The following ITGA1 variants were observed in gnomAD, a reference collection of about 807,000 sequenced individuals.
ITGA1 encodes integrin subunit alpha 1.
ITGA1 carries 85 observed loss-of-function variants against 145.9 expected under a neutral mutation model. That is an observed-to-expected ratio of 0.58 (90% confidence interval 0.49 to 0.70). The LOEUF is 0.70. Among genes scored for constraint, ITGA1 ranks in the 30% least tolerant of loss-of-function variants. The probability of loss-of-function intolerance (pLI) is 0.00; values close to 1 mark genes in which losing one functional copy is unlikely to be tolerated. For missense variants in ITGA1, 1,351 were observed against 1,418.7 expected (o/e 0.95, Z 0.77); for synonymous variants, 520 against 495.3 (o/e 1.05, Z -0.66).
intron 1 of ITGA1, among the ~76,000 whole-genome samples, chr5:52,808,676 C>CTTTTTT (rs60113844): frequency 0.026 from 1,829 of 69,402 alleles, 3 homozygotes; most frequent in East Asian, 0.052. Context: ...TTCTTTCTTT[C>CTTTTTT]TTTTTTTTTT....
intron 1 of ITGA1, among the ~76,000 whole-genome samples, chr5:52,844,004 G>T (rs1423262049): frequency 6.6e-6 from 1 of 152,114 alleles, no homozygotes; most frequent in Non-Finnish European, 1.5e-5. Context: ...GCTGTAGGTT[G>T]CTTCTCCCTC....
chr5:52,801,362 G>T, intron 1 of ITGA1: 1 of 1,478,806 alleles, frequency 6.8e-7, no homozygotes, highest in African/African-American at 1.4e-5. Context: ...TGATTAATGG[G>T]TGTTCTAGGA....
At chr5:52,830,310 C>T (rs927159805) in intron 1 of ITGA1, among the ~76,000 whole-genome samples, 2 of 152,048 alleles carry the variant, frequency 1.3e-5, no homozygotes. Flanking sequence ...TGTTAAGAAA[C>T]AGATGATGAG....
chr5:52,805,584 G>A (rs979564753), intron 1 of ITGA1, among the ~76,000 whole-genome samples: 2 of 152,040 alleles, frequency 1.3e-5, no homozygotes, highest in African/African-American at 4.8e-5. Context: ...GAGAGATGAT[G>A]ACACAAAATG....
At chr5:52,908,118 G>A (rs1750440016) in intron 12 of ITGA1, among the ~76,000 whole-genome samples, 1 of 152,242 alleles carries the variant, frequency 6.6e-6, no homozygotes, top group African/African-American at 2.4e-5. Context: ...AATGAGAGTT[G>A]GGGAAGAAGC....
rs1014140054 is a variant in ITGA1, at chr5:52,831,135, A to G, written c.62-18230A>G. On this transcript the variant is annotated intron_variant, in intron 1 of 28. Transcript: ENST00000282588. The stretch of plus-strand genomic sequence containing the variant: ...TGTCTAATCAACTACAAGAGGTCAC[A>G]CTTTTTTTTTTCCTTTGAGATGGAG... 4.2e-5 allele frequency among the ~76,000 whole-genome samples: 6 copies of G among 141,754 alleles called. No homozygotes were observed. The East Asian group carries it at 5.8e-4, about 14-fold the overall frequency. 93.0% of individuals were successfully genotyped at this position (141,754 alleles called of 152,430 possible).
At position 52,788,474 on chromosome 5, in the gene ITGA1, G is replaced by T. The variant is rs1326679670; in HGVS notation, c.61+60G>T. 17 of 1,356,168 alleles carry T rather than the reference G, an allele frequency of 1.3e-5. No homozygotes were observed. In the East Asian group the frequency reaches 1.5e-4, roughly 12 times the overall value. 84.0% of individuals were successfully genotyped at this position (1,356,168 alleles called of 1,614,324 possible). On this transcript the variant is annotated intron_variant, in intron 1 of 28. Coordinates refer to ENST00000282588, the MANE Select transcript of ITGA1 (RefSeq NM_181501.2). ...TCGCGGGCTTGGGGCTTGGAGCGGG[G>T]AGGGAGGTCCTCAGAGCCATGGGCC...
intron 1 of ITGA1, among the ~76,000 whole-genome samples, chr5:52,797,045 T>C (rs1236482066): frequency 2.6e-5 from 4 of 152,110 alleles, no homozygotes; most frequent in Non-Finnish European, 4.4e-5. Context: ...ATTGGGATTG[T>C]AGACGTTAAT....
At chr5:52,942,616 C>T (rs1286000639) in intron 26 of ITGA1, among the ~76,000 whole-genome samples, 4 of 151,616 alleles carry the variant, frequency 2.6e-5, no homozygotes, top group Admixed American at 6.6e-5. Flanking sequence ...CTGCAAGCTC[C>T]GCCTCCCGGG....
At chr5:52,842,032 C>G (rs907934224) in intron 1 of ITGA1, among the ~76,000 whole-genome samples, 1 of 152,118 alleles carries the variant, frequency 6.6e-6, no homozygotes, top group Non-Finnish European at 1.5e-5. Flanking sequence ...CGGTGAATTC[C>G]TTAGTAGAAT....
chr5:52,859,942 A>G (rs980380053), intron 2 of ITGA1, among the ~76,000 whole-genome samples: 3 of 152,204 alleles, frequency 2.0e-5, no homozygotes, highest in Admixed American at 1.3e-4. Flanking sequence ...TGGCACTAAA[A>G]TACGCTGTTG....
chr5:52,789,419 A>T (rs1317969108), intron 1 of ITGA1, among the ~76,000 whole-genome samples: 1 of 152,206 alleles, frequency 6.6e-6, no homozygotes, highest in Non-Finnish European at 1.5e-5. Context: ...TTTACCACTA[A>T]AAACAGGGTA....
chr5:52,879,429 A>T (rs768968136), intron 6 of ITGA1, among the ~76,000 whole-genome samples: 4 of 152,236 alleles, frequency 2.6e-5, no homozygotes, highest in Non-Finnish European at 5.9e-5. Context: ...CATAATGATT[A>T]TCCAAGTAAC....
chr5:52,869,545 GTCTA>G (rs1173614907), intron 6 of ITGA1, among the ~76,000 whole-genome samples: 2 of 152,130 alleles, frequency 1.3e-5, no homozygotes, highest in African/African-American at 4.8e-5. Context: ...GTGTGTGTCT[GTCTA>G]TCTGTGTTTG....
chr5:52,861,650 C>A lies in ITGA1; in HGVS notation c.295+91C>A, dbSNP rs78670198. On this transcript the variant is annotated intron_variant, in intron 3 of 28. Transcript: ENST00000282588. ...CTTTAAGAGGTCAAGACAGGCATAT[C>A]GTTTGAGCCCAGGAGTTTGAGACCA... 76 of 756,860 alleles carry A rather than the reference C, an allele frequency of 1.0e-4. No individual in the cohort carries two copies. The African/African-American group carries it at 1.3e-3, about 13-fold the overall frequency. 46.9% of individuals were successfully genotyped at this position (756,860 alleles called of 1,614,324 possible).
chr5:52,871,483 T>C (rs1749774290), intron 6 of ITGA1, among the ~76,000 whole-genome samples: 1 of 152,130 alleles, frequency 6.6e-6, no homozygotes, highest in Non-Finnish European at 1.5e-5. Flanking sequence ...TTTGGTACAA[T>C]AGATATAGAT....
At chr5:52,869,962 A>G (rs1329263479) in intron 6 of ITGA1, among the ~76,000 whole-genome samples, 1 of 152,222 alleles carries the variant, frequency 6.6e-6, no homozygotes, top group Non-Finnish European at 1.5e-5. Context: ...GGTTTTAAGT[A>G]TAATGCATGT....
intron 8 of ITGA1, among the ~76,000 whole-genome samples, chr5:52,890,681 C>T (rs1750132722): frequency 6.6e-6 from 1 of 152,162 alleles, no homozygotes; most frequent in South Asian, 2.1e-4. Context: ...CAAATCTGGG[C>T]AATTGGAATA....
At chr5:52,885,278 C>G (rs781339893) in intron 7 of ITGA1, among the ~76,000 whole-genome samples, 3 of 152,114 alleles carry the variant, frequency 2.0e-5, no homozygotes, top group African/African-American at 7.2e-5. Context: ...TCAATCTTTC[C>G]TGGAGAATGA....
Sources: gnomAD v4.1 joint callset for allele counts (sites outside exome capture counted in the v4.1 genomes callset) on GRCh38, gnomAD v4.1.1 for gene constraint, MANE v1.5 for transcripts, NCBI Gene and HGNC (gene_info 2026-07-23, HGNC 2026-07-21) for gene names.